Variants in TRMT9B observed in about 807,000 individuals in gnomAD.
The protein encoded by TRMT9B is probable tRNA methyltransferase 9B.
A neutral mutation model predicts 11.5 loss-of-function variants in TRMT9B; 16 were observed. The observed-to-expected ratio is 1.39, with a 90% CI of 0.94 to 2.11. The LOEUF is 2.11. Among genes scored for constraint, TRMT9B ranks in the 30% most tolerant of loss-of-function variants. TRMT9B has a pLI of 0.00. For missense variants in TRMT9B, 941 were observed against 553.8 expected (o/e 1.70, Z -7.02); for synonymous variants, 274 against 192.4 (o/e 1.42, Z -3.51).
chr8:13,003,292 C>A (rs982312240), intron 2 of TRMT9B, among the ~76,000 whole-genome samples: 15 of 152,074 alleles, frequency 9.9e-5, no homozygotes, highest in Admixed American at 6.5e-4. Flanking sequence ...CAACCCGAGT[C>A]CCTGGCCACT....
At chr8:13,018,294 C>T (rs1460977856) in intron 4 of TRMT9B, among the ~76,000 whole-genome samples, 1 of 148,310 alleles carries the variant, frequency 6.7e-6, no homozygotes, top group African/African-American at 2.5e-5. Flanking sequence ...CCCAGCTACT[C>T]AGGAGGCTGA....
intron 1 of TRMT9B, among the ~76,000 whole-genome samples, chr8:12,985,063 CT>C (rs1452919613): frequency 6.6e-6 from 1 of 152,010 alleles, no homozygotes; most frequent in African/African-American, 2.4e-5. Context: ...TAATATCCTA[CT>C]CTTAGTGAAC....
chr8:12,987,708 T>A (rs543820186), intron 1 of TRMT9B, among the ~76,000 whole-genome samples: 1 of 152,130 alleles, frequency 6.6e-6, no homozygotes, highest in African/African-American at 2.4e-5. Flanking sequence ...AAAAAATGCA[T>A]TTAATACAAC....
chr8:12,979,245 G>A (rs1563349426), intron 1 of TRMT9B, among the ~76,000 whole-genome samples: 3 of 152,162 alleles, frequency 2.0e-5, no homozygotes. Context: ...ACCCCTGCAG[G>A]CAATGCCCTG....
At chr8:13,008,809 A>C (rs893734182) in intron 3 of TRMT9B, among the ~76,000 whole-genome samples, 1 of 152,088 alleles carries the variant, frequency 6.6e-6, no homozygotes, top group African/African-American at 2.4e-5. Context: ...GCTCACTGCA[A>C]GCTCCGCCTC....
chr8:13,000,750 C>G (rs1809282064), intron 2 of TRMT9B, among the ~76,000 whole-genome samples: 2 of 152,140 alleles, frequency 1.3e-5, no homozygotes, highest in South Asian at 2.1e-4. Flanking sequence ...TCCTTGCACG[C>G]TAGTTATTTA....
In TRMT9B at chr8:13,021,663, C is replaced by A. The variant is rs371802923; in HGVS notation, c.984C>A (p.Gly328=). ...ACTTGGAGTGGCTGAGAGCACCAGG[C>A]ACTCTGAAACATTTAAATGGAGACC... ...GKHLEWLRAP[G]TLKHLNGDHQ... Residue 328 remains glycine, a synonymous_variant, in exon 5 of 5, where the codon GGC becomes GGA. Transcript: ENST00000524591. The A allele has an allele frequency of 6.2e-7, 1 of 1,613,650 alleles. No homozygotes were observed. Among genetic ancestry groups the A allele is most frequent in the Non-Finnish European group, 8.5e-7 (1 of 1,179,804 alleles).
At chr8:13,012,885 C>A (rs566981070) in intron 4 of TRMT9B, 28 bp downstream of exon 4, 1 of 1,608,258 alleles carries the variant, frequency 6.2e-7, no homozygotes, top group Non-Finnish European at 8.5e-7. Flanking sequence ...CACATTCACC[C>A]TTTGCCATGA....
intron 1 of TRMT9B, among the ~76,000 whole-genome samples, chr8:12,955,282 C>G (rs1801147522): frequency 6.6e-6 from 1 of 152,154 alleles, no homozygotes; most frequent in African/African-American, 2.4e-5. Flanking sequence ...GCCTTTGACT[C>G]AGCTAGGTTA....
chr8:13,013,558 A>C (rs1339864668), intron 4 of TRMT9B, among the ~76,000 whole-genome samples: 4 of 151,932 alleles, frequency 2.6e-5, no homozygotes, highest in African/African-American at 9.7e-5. Flanking sequence ...GGGAAACTTG[A>C]TATTTAATGG....
chr8:12,978,510 TAGA>T (rs1804810270), intron 1 of TRMT9B, among the ~76,000 whole-genome samples: 254 of 12,098 alleles, frequency 0.021, 1 homozygote, highest in Non-Finnish European at 0.033. Context: ...AGACAGATGA[TAGA>T]TAGATGATAG....
intron 2 of TRMT9B, among the ~76,000 whole-genome samples, chr8:12,991,521 GCT>G (rs1156633882): frequency 1.3e-5 from 2 of 152,150 alleles, no homozygotes; most frequent in Admixed American, 6.5e-5. Flanking sequence ...AGAATTTTAT[GCT>G]CTCTCTTTTT....
At chr8:13,000,404 C>G (rs1459748924) in intron 2 of TRMT9B, among the ~76,000 whole-genome samples, 1 of 152,190 alleles carries the variant, frequency 6.6e-6, no homozygotes, top group Non-Finnish European at 1.5e-5. Flanking sequence ...TGCCAGGCCA[C>G]TAACTCTCCT....
In TRMT9B at chr8:13,021,505, G is replaced by C. The variant is rs772425435; in HGVS notation, c.826G>C (p.Val276Leu). 6.2e-7 allele frequency: 1 copy of C among 1,613,540 alleles called. No homozygotes were observed. The highest frequency in any genetic ancestry group is 2.2e-5 in the East Asian group (1 of 44,884). ...ERVRPLKNTE[V>L]WASSTVTVQP... is the part of the protein sequence containing the mutation. ...AGTAAGACCCTTGAAAAACACAGAAGTTTGGGCCAGTAGCACTGTAACAGT... is the reference window on the plus strand; with the variant it reads ...AGTAAGACCCTTGAAAAACACAGAACTTTGGGCCAGTAGCACTGTAACAGT... Residue 276 changes from valine to leucine, a missense_variant, in exon 5 of 5, where the codon GTT becomes CTT. Transcript: ENST00000524591.
chr8:13,023,595 C>G lies in TRMT9B; in HGVS notation c.*1551C>G, dbSNP rs1407582435. 1.2e-5 allele frequency: 2 copies of G among 166,996 alleles called. No homozygotes were observed. Among genetic ancestry groups the G allele is most frequent in the Non-Finnish European group, 2.9e-5 (2 of 68,104 alleles). 10.3% of individuals were successfully genotyped at this position (166,996 alleles called of 1,614,324 possible). ...AAGACAGGTCTAGAGACAGGAGAAGCAGAAATAAGTTGACCCAGGAGTACA... is the reference window on the plus strand; with the variant it reads ...AAGACAGGTCTAGAGACAGGAGAAGGAGAAATAAGTTGACCCAGGAGTACA... On this transcript the variant is annotated 3_prime_UTR_variant, in exon 5 of 5. Transcript: ENST00000524591.
rs1246114011 is a variant in TRMT9B at position 12,948,952 on chromosome 8, T to C, written c.-200+2986T>C. On this transcript the variant is annotated intron_variant, in intron 1 of 4. Coordinates refer to ENST00000524591, the MANE Select transcript of TRMT9B (RefSeq NM_020844.3). ...TCCAGCCTGGGTGACAGGGCAAGACTCCGTTTCAAAAACAAACAAACAAAA... is the reference window on the plus strand; with the variant it reads ...TCCAGCCTGGGTGACAGGGCAAGACCCCGTTTCAAAAACAAACAAACAAAA... Among the ~76,000 whole-genome samples the C allele has an allele frequency of 4.6e-5, 7 of 152,232 alleles. No individual in the cohort carries two copies. The South Asian group carries it at 1.5e-3, about 32-fold the overall frequency.
chr8:12,982,878 G>A (rs375919236), intron 1 of TRMT9B, among the ~76,000 whole-genome samples: 11 of 152,084 alleles, frequency 7.2e-5, no homozygotes, highest in East Asian at 1.9e-4. Flanking sequence ...TTCTCCAAGG[G>A]ACAAAAGGCC....
chr8:12,985,316 G>A (rs1422707221), intron 1 of TRMT9B, among the ~76,000 whole-genome samples: 2 of 152,166 alleles, frequency 1.3e-5, no homozygotes, highest in African/African-American at 2.4e-5. Flanking sequence ...TTCAAGGAGA[G>A]ATGCCAGCTG....
chr8:13,009,097 G>A (rs904460738), intron 3 of TRMT9B, among the ~76,000 whole-genome samples: 1 of 152,060 alleles, frequency 6.6e-6, no homozygotes, highest in Non-Finnish European at 1.5e-5. Context: ...CCTGTCATTT[G>A]CGACAACACG....
Sources: allele counts gnomAD v4.1 joint callset (sites outside exome capture counted in the v4.1 genomes callset), GRCh38; gene constraint gnomAD v4.1.1; transcripts MANE v1.5; gene names NCBI Gene and HGNC (gene_info 2026-07-23, HGNC 2026-07-21).